TFEB: variants seen among roughly 807,000 people sequenced by gnomAD.
TFEB encodes the protein T-cell transcription factor EB.
In TFEB, 12 loss-of-function variants were observed where a neutral mutation model predicts 48.0. That is an observed-to-expected ratio of 0.25 (90% CI 0.16 to 0.40). The LOEUF (loss-of-function observed/expected upper bound fraction) is 0.40. TFEB is among the 10% of genes least tolerant of loss of function. The pLI, the probability that TFEB is intolerant of heterozygous loss-of-function variation, is 1.00. For synonymous variants in TFEB, 244 were observed against 261.4 expected (o/e 0.93, Z 0.64); for missense variants, 509 against 640.3 (o/e 0.79, Z 2.21).
chr6:41,694,163 C>T (rs1358561762), intron 1 of TFEB, among the ~76,000 whole-genome samples: 2 of 152,204 alleles, frequency 1.3e-5, no homozygotes, highest in Non-Finnish European at 2.9e-5. Flanking sequence ...TGGACTGGAG[C>T]TGGCTTTGCT....
intron 1 of TFEB, among the ~76,000 whole-genome samples, chr6:41,714,557 A>G (rs1035521261): frequency 3.9e-5 from 6 of 152,120 alleles, no homozygotes; most frequent in Non-Finnish European, 8.8e-5. Context: ...GTATCATTCC[A>G]TTCATTCATT....
At chr6:41,685,877 G>A (rs1768972308) in intron 8 of TFEB, among the ~76,000 whole-genome samples, 1 of 152,210 alleles carries the variant, frequency 6.6e-6, no homozygotes, top group African/African-American at 2.4e-5. Flanking sequence ...CAGAATGAGG[G>A]TCTCACAGAA....
chr6:41,686,265 G>T, intron 7 of TFEB, 28 bp from the exon 8 acceptor site: 1 of 1,612,804 alleles, frequency 6.2e-7, no homozygotes, highest in Non-Finnish European at 8.5e-7. Flanking sequence ...GCAAATTAGA[G>T]GTGCATGCTC....
rs747764119 is a variant in TFEB, at chr6:41,686,114, G to A, written c.927C>T (p.Asn309=). ...ENHSRRLEMT[N]KQLWLRIQEL... is the part of the protein sequence containing the mutation. Reference sequence around the variant, plus strand: ...CCTGGATACGGAGCCAGAGCTGCTTGTTGGTCATCTCCAGGCGGCGAGAGT... The same window carrying A: ...CCTGGATACGGAGCCAGAGCTGCTTATTGGTCATCTCCAGGCGGCGAGAGT... Residue 309 remains asparagine (N), a synonymous_variant, in exon 8 of 9, where the codon AAC becomes AAT. Transcript: ENST00000373033. 3.7e-6 allele frequency: 6 copies of A among 1,614,254 alleles called. No individual in the cohort carries two copies. The Admixed American group carries it at 5.0e-5, about 13-fold the overall frequency.
chr6:41,710,142 A>T (rs1770414995), intron 1 of TFEB, among the ~76,000 whole-genome samples: 2 of 152,230 alleles, frequency 1.3e-5, no homozygotes, highest in African/African-American at 4.8e-5. Flanking sequence ...TTTTCATTAA[A>T]CAGGTTGACA....
Position 41,686,237 on chromosome 6 carries a change from C to T in TFEB, c.804G>A (p.Leu268=). 1 of 1,613,850 alleles carries T rather than the reference C, an allele frequency of 6.2e-7. No individual in the cohort carries two copies. Among genetic ancestry groups the T allele is most frequent in the Non-Finnish European group, 8.5e-7 (1 of 1,179,740 alleles). The stretch of plus-strand genomic sequence containing the variant: ...TGGTGCCCTTGTTCCAGCGCACGTC[C>T]CTGCAGCAGCAGGCCAGGCAAATTA... ...LGMLIPKAND[L]DVRWNKGTIL... The change falls in exon 8 of 9, where the codon CTG becomes CTA. Residue 268 remains leucine, a splice_region_variant and synonymous_variant. Coordinates refer to ENST00000373033, the MANE Select transcript of TFEB (RefSeq NM_001271944.2).
rs192063718 is a variant in TFEB at position 41,722,603 on chromosome 6, T to C, written c.-23+12747A>G. ...GTCCCCATCTGCAAAATGGGAATGA[T>C]AGCAGCATCCCCCTCATGGGGTGAC... On this transcript the variant is annotated intron_variant, in intron 1 of 8. Coordinates refer to ENST00000373033, the MANE Select transcript of TFEB (RefSeq NM_001271944.2). Among the ~76,000 whole-genome samples, 4 of 152,328 alleles carry C rather than the reference T, an allele frequency of 2.6e-5. No individual in the cohort carries two copies. The East Asian group carries it at 7.7e-4, about 29-fold the overall frequency.
chr6:41,685,013 A>G lies in TFEB; in HGVS notation c.1017T>C (p.Ala339=), dbSNP rs1402634537. The change falls in exon 9 of 9, where the codon GCT becomes GCC. Residue 339 remains alanine, a synonymous_variant. Coordinates refer to ENST00000373033, the MANE Select transcript of TFEB (RefSeq NM_001271944.2). ...GCTTCACCACCTGCTGGGCCAGCTC[A>G]GCCATGTTCATGCCGGACGGGGAGG... ...PTTSPSGMNM[A]ELAQQVVKQE... 10 of 1,528,482 alleles carry G rather than the reference A, an allele frequency of 6.5e-6. No individual in the cohort carries two copies. Among genetic ancestry groups the G allele is most frequent in the Non-Finnish European group, 7.9e-6 (9 of 1,139,104 alleles). 94.7% of individuals were successfully genotyped at this position (1,528,482 alleles called of 1,614,324 possible). A position where few individuals can be genotyped will look rare whatever the true frequency, so the allele number is the denominator to read the frequency against.
At chr6:41,688,237 G>C (rs76824309) in intron 4 of TFEB, 21,778 of 555,700 alleles carry the variant, frequency 0.039, 599 homozygotes, top group Admixed American at 0.091. Context: ...AGGAGCCCCT[G>C]GCCTAGAGTG....
At chr6:41,726,968 C>T (rs1014996745) in intron 1 of TFEB, among the ~76,000 whole-genome samples, 1 of 152,154 alleles carries the variant, frequency 6.6e-6, no homozygotes, top group African/African-American at 2.4e-5. Flanking sequence ...ATGCTTGGGG[C>T]TGTCTAGGGA....
intron 7 of TFEB, 153 bp downstream of exon 7, chr6:41,686,941 T>G: frequency 1.4e-6 from 1 of 692,714 alleles, no homozygotes; most frequent in African/African-American, 1.8e-5. Context: ...TCTTTCCTGA[T>G]TTGGGAGAGG....
chr6:41,700,133 T>C (rs916307824), intron 1 of TFEB, among the ~76,000 whole-genome samples: 4 of 152,166 alleles, frequency 2.6e-5, no homozygotes, highest in Non-Finnish European at 4.4e-5. Context: ...GGACACTTAC[T>C]GAGGACTGAC....
At position 41,691,324 on chromosome 6, in the gene TFEB, C is replaced by G; in HGVS notation, c.-22-89G>C. On this transcript the variant is annotated intron_variant, in intron 1 of 8. Coordinates refer to ENST00000373033, the MANE Select transcript of TFEB (RefSeq NM_001271944.2). This position sits in a 1 kb window ranked among gnomAD's most constrained non-coding sequence, Gnocchi z 5.2. ...CAGGGGGAGGCCAGAATGACTGGGACCGCATCCATTTTAGAGGAGAAGACA... is the reference window on the plus strand; with the variant it reads ...CAGGGGGAGGCCAGAATGACTGGGAGCGCATCCATTTTAGAGGAGAAGACA... 1 of 1,313,412 alleles carries G rather than the reference C, an allele frequency of 7.6e-7. No individual in the cohort carries two copies. The highest frequency in any genetic ancestry group is 1.3e-5 in the South Asian group (1 of 79,122). 81.4% of individuals were successfully genotyped at this position (1,313,412 alleles called of 1,614,324 possible).
Position 41,723,241 on chromosome 6 carries a change from C to T in TFEB, c.-23+12109G>A, listed in dbSNP as rs187990638. The stretch of plus-strand genomic sequence containing the variant: ...TTCCCCATTCTTTCCCTCACCCCAG[C>T]CTTGGCCATGCTCAGAGACCCCCAC... On this transcript the variant is annotated intron_variant, in intron 1 of 8. Transcript: ENST00000373033. This position sits in a 1 kb window ranked among gnomAD's most constrained non-coding sequence, Gnocchi z 6.0. 7.9e-5 allele frequency among the ~76,000 whole-genome samples: 12 copies of T among 152,206 alleles called. No individual in the cohort carries two copies. In the East Asian group the frequency reaches 2.1e-3, roughly 27 times the overall value.
intron 1 of TFEB, among the ~76,000 whole-genome samples, chr6:41,718,491 G>A (rs979147797): frequency 6.6e-6 from 1 of 152,078 alleles, no homozygotes; most frequent in African/African-American, 2.4e-5. Flanking sequence ...TTACAAGCAT[G>A]AGCCACCACA....
intron 2 of TFEB, 36 bp from the exon 3 acceptor site, chr6:41,690,953 C>T (rs2127448687): frequency 6.4e-7 from 1 of 1,566,556 alleles, no homozygotes; most frequent in Non-Finnish European, 8.7e-7. Context: ...CTAGGGGAGG[C>T]TGGGACTAGT....
At chr6:41,688,549 G>T (rs563227659) in intron 4 of TFEB, among the ~76,000 whole-genome samples, 2 of 152,112 alleles carry the variant, frequency 1.3e-5, no homozygotes, top group African/African-American at 4.8e-5. Flanking sequence ...GACTTGCAAA[G>T]ATACTGGAAT....
intron 1 of TFEB, among the ~76,000 whole-genome samples, chr6:41,719,565 G>A (rs756255825): frequency 1.2e-4 from 19 of 152,314 alleles, no homozygotes; most frequent in Non-Finnish European, 2.8e-4. Flanking sequence ...TGAGGAGACT[G>A]AGACCTAGGA....
rs1455384391 is a variant in TFEB, at chr6:41,688,038, AG to A, written c.550-11del. On this transcript the variant is annotated splice_polypyrimidine_tract_variant and intron_variant, in intron 4 of 8. Transcript: ENST00000373033. ...TGCTGGACAGGGGTAGCTGTGGGGT[AG>A]GGGGTGAGGGAGACCCATGAGTATC... The A allele has an allele frequency of 2.5e-6, 4 of 1,603,504 alleles. No homozygotes were observed. In the East Asian group the frequency reaches 6.7e-5, roughly 27 times the overall value.
Sources: gnomAD v4.1 joint callset for allele counts (sites outside exome capture counted in the v4.1 genomes callset) on GRCh38, gnomAD v4.1.1 for gene constraint, Gnocchi (gnomAD v3.1) non-coding constraint, MANE v1.5 for transcripts, NCBI Gene and HGNC (gene_info 2026-07-23, HGNC 2026-07-21) for gene names.